METTL8: variants seen among roughly 807,000 people sequenced by gnomAD.
METTL8 encodes methyltransferase 8, tRNA N3-cytidine.
In METTL8, 32 loss-of-function variants were observed where a neutral mutation model predicts 48.7. The observed-to-expected ratio is 0.66, with a 90% CI of 0.50 to 0.88. The LOEUF (loss-of-function observed/expected upper bound fraction) is 0.88. Ranked by LOEUF, METTL8 falls within the 40% of genes least tolerant of loss-of-function variation. The probability of loss-of-function intolerance (pLI) is 0.00; values close to 1 mark genes in which losing one functional copy is unlikely to be tolerated. For synonymous variants in METTL8, 136 were observed against 157.1 expected (o/e 0.87, Z 1.01); for missense variants, 464 against 474.4 (o/e 0.98, Z 0.20).
chr2:171,415,322 C>A (rs1691195898), intron 1 of METTL8, among the ~76,000 whole-genome samples: 1 of 147,812 alleles, frequency 6.8e-6, no homozygotes, highest in Non-Finnish European at 1.5e-5. Context: ...ATCTTCCTTG[C>A]ATTTTCTTCT....
Position 171,319,198 on chromosome 2 carries a change from T to C in METTL8, c.*4974A>G, listed in dbSNP as rs2105371220. 1 of 152,304 alleles carries C rather than the reference T, an allele frequency of 6.6e-6. No individual in the cohort carries two copies. Among genetic ancestry groups the C allele is most frequent in the East Asian group, 1.9e-4 (1 of 5,182 alleles). 9.4% of individuals were successfully genotyped at this position (152,304 alleles called of 1,614,324 possible). A position where few individuals can be genotyped will look rare whatever the true frequency, so the allele number is the denominator to read the frequency against. ...CTGTGTGTACTGCCTTGTAGATTAA[T>C]AACAATACCTCACATATATTTAATG... On this transcript the variant is annotated 3_prime_UTR_variant, in exon 10 of 10. Coordinates refer to ENST00000375258, the MANE Select transcript of METTL8 (RefSeq NM_001321154.2).
chr2:171,334,093 AAAC>A (rs1429405436), intron 5 of METTL8, among the ~76,000 whole-genome samples: 1 of 152,142 alleles, frequency 6.6e-6, no homozygotes, highest in East Asian at 1.9e-4. Flanking sequence ...AAACAAAACA[AAAC>A]AAAACAAAAC....
chr2:171,434,362 C>A, upstream of METTL8: 1 of 805,086 alleles, frequency 1.2e-6, no homozygotes, highest in Non-Finnish European at 2.0e-6. Flanking sequence ...GGGAGTGCTT[C>A]TTCCCTTCTC....
chr2:171,385,249 T>TA (rs922693935), intron 2 of METTL8, among the ~76,000 whole-genome samples: 12 of 147,146 alleles, frequency 8.2e-5, no homozygotes, highest in Non-Finnish European at 1.8e-4. Context: ...CCCCCCTCTC[T>TA]AAAAAAAATA....
At chr2:171,341,279 G>T (rs1336490414) in intron 3 of METTL8, among the ~76,000 whole-genome samples, 2 of 148,282 alleles carry the variant, frequency 1.3e-5, no homozygotes, top group Admixed American at 1.4e-4. Flanking sequence ...AGTGAGCCGA[G>T]ATCACGCCAT....
At chr2:171,375,337 G>A (rs141981252) in intron 2 of METTL8, 29 of 694,762 alleles carry the variant, frequency 4.2e-5, no homozygotes, top group Middle Eastern at 3.0e-4. Flanking sequence ...CAAGTTCCTC[G>A]TTAGCATAGT....
intron 1 of METTL8, among the ~76,000 whole-genome samples, chr2:171,403,288 T>C (rs1689827019): frequency 6.6e-6 from 1 of 152,160 alleles, no homozygotes; most frequent in South Asian, 2.1e-4. Flanking sequence ...ATTCTTGATA[T>C]GATGTGACAA....
intron 9 of METTL8, among the ~76,000 whole-genome samples, chr2:171,325,121 C>CAAAAA (rs3835041): frequency 9.2e-5 from 7 of 76,018 alleles, no homozygotes; most frequent in Non-Finnish European, 1.2e-4. Context: ...GACTCTGTCT[C>CAAAAA]AAAAAAAAAA....
intron 2 of METTL8, among the ~76,000 whole-genome samples, chr2:171,362,792 A>G (rs1685301160): frequency 6.6e-6 from 1 of 152,144 alleles, no homozygotes; most frequent in South Asian, 2.1e-4. Context: ...ATTTTGACTT[A>G]CTTTAACATA....
At chr2:171,324,991 G>C (rs1417551212) in intron 9 of METTL8, among the ~76,000 whole-genome samples, 4 of 132,226 alleles carry the variant, frequency 3.0e-5, no homozygotes, top group African/African-American at 1.1e-4. Flanking sequence ...TCAGCTACTT[G>C]GGAGGCTGTA....
chr2:171,392,397 G>A (rs1688659605), intron 1 of METTL8, among the ~76,000 whole-genome samples, 200 bp from the exon 2 acceptor site: 1 of 152,138 alleles, frequency 6.6e-6, no homozygotes, highest in African/African-American at 2.4e-5. Flanking sequence ...TTTAGGGTGG[G>A]CAACACTGGC....
intron 1 of METTL8, among the ~76,000 whole-genome samples, chr2:171,397,964 G>GCAA (rs1311330467): frequency 7.9e-5 from 12 of 152,244 alleles, no homozygotes; most frequent in African/African-American, 2.6e-4. Context: ...TTTAAAAACA[G>GCAA]CAACAACAAC....
rs1348728322 is a variant in METTL8 at position 171,347,771 on chromosome 2, G to A, written c.236-8217C>T. The stretch of plus-strand genomic sequence containing the variant: ...ACAGTGTGACAGAGTTCCTGCAAAG[G>A]AATGCAATATTGGCTGATTTGTAAG... On this transcript the variant is annotated intron_variant, in intron 3 of 9. Transcript: ENST00000375258. Among the ~76,000 whole-genome samples the A allele has an allele frequency of 2.6e-5, 4 of 152,170 alleles. No homozygotes were observed. The East Asian group carries it at 7.7e-4, about 29-fold the overall frequency.
chr2:171,402,290 T>C (rs189333411), intron 1 of METTL8, among the ~76,000 whole-genome samples: 1 of 152,260 alleles, frequency 6.6e-6, no homozygotes, highest in East Asian at 1.9e-4. Context: ...TAAATAATTC[T>C]GGATATGAAT....
intron 3 of METTL8, among the ~76,000 whole-genome samples, chr2:171,348,118 T>C (rs1187387768): frequency 6.6e-6 from 1 of 152,206 alleles, no homozygotes; most frequent in East Asian, 1.9e-4. Context: ...CCTCAATTTG[T>C]AGACTAAAGT....
At chr2:171,408,924 T>G (rs1283718606) in intron 1 of METTL8, among the ~76,000 whole-genome samples, 2 of 152,210 alleles carry the variant, frequency 1.3e-5, no homozygotes, top group Non-Finnish European at 2.9e-5. Flanking sequence ...TGCTAACCCA[T>G]TTGCTGTTAT....
At chr2:171,401,906 C>T (rs56951756) in intron 1 of METTL8, among the ~76,000 whole-genome samples, 45 of 152,120 alleles carry the variant, frequency 3.0e-4, no homozygotes, top group African/African-American at 5.1e-4. Context: ...TTTTCTGTTA[C>T]GTAATATGTA....
intron 4 of METTL8, among the ~76,000 whole-genome samples, chr2:171,337,876 T>C (rs1686284828): frequency 6.6e-6 from 1 of 150,578 alleles, no homozygotes; most frequent in South Asian, 2.1e-4. Context: ...ACATTTGAAG[T>C]ATGTGACCTA....
At chr2:171,375,069 C>T (rs1400296287) in intron 2 of METTL8, 2 of 1,142,622 alleles carry the variant, frequency 1.8e-6, no homozygotes, top group African/African-American at 1.5e-5. Context: ...AGTAATATAG[C>T]TTCACATACA....
Sources: allele counts gnomAD v4.1 joint callset (sites outside exome capture counted in the v4.1 genomes callset), GRCh38; gene constraint gnomAD v4.1.1; transcripts MANE v1.5; gene names NCBI Gene and HGNC (gene_info 2026-07-23, HGNC 2026-07-21).